Variants in CDH2 observed in about 807,000 individuals in gnomAD.
CDH2 encodes the protein cadherin 2.
A neutral mutation model predicts 92.0 loss-of-function variants in CDH2; 17 were observed. That is an observed-to-expected ratio of 0.18 (90% CI 0.13 to 0.28). The LOEUF (loss-of-function observed/expected upper bound fraction) is 0.28. CDH2 is among the 10% of genes least tolerant of loss of function. CDH2 has a pLI of 1.00. For synonymous variants in CDH2, 419 were observed against 415.9 expected (o/e 1.01, Z -0.09); for missense variants, 862 against 1,133.1 (o/e 0.76, Z 3.44).
At chr18:28,090,198 T>C (rs1211311141) in intron 2 of CDH2, among the ~76,000 whole-genome samples, 21 of 152,240 alleles carry the variant, frequency 1.4e-4, no homozygotes, top group Admixed American at 1.4e-3. Flanking sequence ...TGTTCTTTTT[T>C]GCATCTGTTG....
intron 2 of CDH2, among the ~76,000 whole-genome samples, chr18:28,112,733 C>T (rs961856500): frequency 1.3e-5 from 2 of 151,886 alleles, no homozygotes; most frequent in African/African-American, 4.8e-5. Flanking sequence ...AACAATTTCC[C>T]GAGGATCCCT....
At chr18:28,097,230 AAAT>A (rs1338222962) in intron 2 of CDH2, 1 of 152,176 alleles carries the variant, frequency 6.6e-6, no homozygotes, top group Non-Finnish European at 1.5e-5. Flanking sequence ...TGTGTTTCTT[AAAT>A]TTAGATACCT....
At chr18:28,073,045 AT>A (rs570735404) in intron 2 of CDH2, among the ~76,000 whole-genome samples, 364 of 151,094 alleles carry the variant, frequency 2.4e-3, no homozygotes, top group Non-Finnish European at 3.3e-3. Context: ...GTGGCACAGA[AT>A]TTTTTTTTTC....
intron 2 of CDH2, among the ~76,000 whole-genome samples, chr18:28,038,535 C>T (rs2013885552): frequency 6.6e-6 from 1 of 151,916 alleles, no homozygotes; most frequent in Non-Finnish European, 1.5e-5. Flanking sequence ...AGGCCTTACT[C>T]TGCAGGAGCT....
At chr18:28,146,942 C>T (rs530480854) in intron 2 of CDH2, among the ~76,000 whole-genome samples, 5 of 152,180 alleles carry the variant, frequency 3.3e-5, no homozygotes, top group African/African-American at 1.2e-4. Context: ...ATACTACTAA[C>T]CAAAATTTTA....
chr18:28,113,558 A>G (rs2015447678), intron 2 of CDH2, among the ~76,000 whole-genome samples: 1 of 152,126 alleles, frequency 6.6e-6, no homozygotes, highest in Admixed American at 6.6e-5. Context: ...TAAGAAGGGA[A>G]GGCGAGGTAG....
rs924939220 is a variant in CDH2 at position 28,013,232 on chromosome 18, A to G, written c.399+451T>C. ...CTAAAAAGTCATGTTGGTAGTATAA[A>G]TAATTCATACCCCCCAACTGGATTA... On this transcript the variant is annotated intron_variant, in intron 3 of 15. Transcript: ENST00000269141. 4.6e-5 allele frequency among the ~76,000 whole-genome samples: 7 copies of G among 152,188 alleles called. No individual in the cohort carries two copies. The East Asian group carries it at 1.3e-3, about 29-fold the overall frequency.
chr18:28,045,953 C>T (rs1307302796), intron 2 of CDH2, among the ~76,000 whole-genome samples: 3 of 152,086 alleles, frequency 2.0e-5, no homozygotes, highest in African/African-American at 4.8e-5. Context: ...ATCACTGGAC[C>T]GACAATGATA....
chr18:28,091,160 A>G lies in CDH2; in HGVS notation c.172+56513T>C, dbSNP rs193219846. Among the ~76,000 whole-genome samples, 410 of 152,336 alleles carry G rather than the reference A, an allele frequency of 2.7e-3. 6 individuals are homozygous for G. The highest frequency in any genetic ancestry group is 9.8e-4 in the Admixed American group (15 of 15,304). On this transcript the variant is annotated intron_variant, in intron 2 of 15. Coordinates refer to ENST00000269141, the MANE Select transcript of CDH2 (RefSeq NM_001792.5). Reference sequence around the variant, plus strand: ...CTTAAGAGCACTGGTTTCTGTAATAACTATATGATTGCAAAAAGTTTTGTT... The same window carrying G: ...CTTAAGAGCACTGGTTTCTGTAATAGCTATATGATTGCAAAAAGTTTTGTT...
At chr18:28,058,144 AAG>A (rs2014331672) in intron 2 of CDH2, among the ~76,000 whole-genome samples, 2 of 152,230 alleles carry the variant, frequency 1.3e-5, no homozygotes, top group Non-Finnish European at 2.9e-5. Context: ...GGTTGGATCA[AAG>A]CAGTACATGC....
intron 2 of CDH2, among the ~76,000 whole-genome samples, chr18:28,062,341 TC>T (rs1280597848): frequency 6.6e-6 from 1 of 152,208 alleles, no homozygotes; most frequent in Non-Finnish European, 1.5e-5. Context: ...CTGTCAATTT[TC>T]CAACAGAAAA....
At chr18:28,012,159 C>T (rs1327569336) in intron 3 of CDH2, among the ~76,000 whole-genome samples, 167 bp from the exon 4 acceptor site, 3 of 152,034 alleles carry the variant, frequency 2.0e-5, no homozygotes, top group Non-Finnish European at 4.4e-5. Flanking sequence ...CAGAAAAATA[C>T]CATAAAATTT....
intron 1 of CDH2, among the ~76,000 whole-genome samples, chr18:28,150,196 T>C (rs2016099195): frequency 6.6e-6 from 1 of 152,208 alleles, no homozygotes; most frequent in Non-Finnish European, 1.5e-5. Flanking sequence ...CAGTGAAGCA[T>C]GGCAGGTGCT....
chr18:28,079,102 A>T (rs549922516), intron 2 of CDH2, among the ~76,000 whole-genome samples: 40 of 152,306 alleles, frequency 2.6e-4, no homozygotes, highest in African/African-American at 8.9e-4. Context: ...AGATAGTAAA[A>T]TCGTCTAACA....
At chr18:28,171,122 C>T (rs748239616) in intron 1 of CDH2, among the ~76,000 whole-genome samples, 1 of 151,438 alleles carries the variant, frequency 6.6e-6, no homozygotes, top group Admixed American at 6.6e-5. Flanking sequence ...CCCAGCTACA[C>T]AGGAGGCTGA....
At chr18:27,986,902 G>A (rs1311092346) in intron 11 of CDH2, among the ~76,000 whole-genome samples, 2 of 152,138 alleles carry the variant, frequency 1.3e-5, no homozygotes, top group Non-Finnish European at 2.9e-5. Flanking sequence ...AGAATATGTA[G>A]GTAGTGAAAC....
At chr18:28,085,194 C>T (rs1354514719) in intron 2 of CDH2, among the ~76,000 whole-genome samples, 1 of 152,072 alleles carries the variant, frequency 6.6e-6, no homozygotes, top group Non-Finnish European at 1.5e-5. Context: ...TTGTACACAG[C>T]CATAAACTTA....
intron 14 of CDH2, among the ~76,000 whole-genome samples, chr18:27,980,530 A>G (rs2012012193): frequency 6.6e-6 from 1 of 152,144 alleles, no homozygotes; most frequent in Non-Finnish European, 1.5e-5. Flanking sequence ...ATGAGGTTAA[A>G]AATTAGATGC....
At chr18:28,044,955 C>T (rs964579570) in intron 2 of CDH2, among the ~76,000 whole-genome samples, 1 of 151,874 alleles carries the variant, frequency 6.6e-6, no homozygotes, top group Non-Finnish European at 1.5e-5. Flanking sequence ...AATTCATTAT[C>T]TCTATCCCAG....
Sources: allele counts gnomAD v4.1 joint callset (sites outside exome capture counted in the v4.1 genomes callset), GRCh38; gene constraint gnomAD v4.1.1; transcripts MANE v1.5; gene names NCBI Gene and HGNC (gene_info 2026-07-23, HGNC 2026-07-21).